Variants in NEK11 observed in about 807,000 individuals in gnomAD.
The protein encoded by NEK11 is serine/threonine-protein kinase Nek11.
A neutral mutation model predicts 80.7 loss-of-function variants in NEK11; 72 were observed. The observed-to-expected ratio is 0.89, with a 90% confidence interval of 0.74 to 1.08. The LOEUF (loss-of-function observed/expected upper bound fraction) is 1.08, where lower values mean the gene tolerates loss of function less well. NEK11 is among the 50% of genes least tolerant of loss of function. The probability of loss-of-function intolerance (pLI) is 0.00; values close to 1 mark genes in which losing one functional copy is unlikely to be tolerated. For missense variants in NEK11, 764 were observed against 763.6 expected (o/e 1.00, Z -0.01); for synonymous variants, 251 against 260.7 (o/e 0.96, Z 0.36).
chr3:131,177,571 C>T (rs1473926265), intron 14 of NEK11, among the ~76,000 whole-genome samples: 2 of 152,114 alleles, frequency 1.3e-5, no homozygotes, highest in African/African-American at 2.4e-5. Flanking sequence ...CTCCTTGATT[C>T]GACGTGAGAA....
intron 17 of NEK11, chr3:131,329,611 G>A (rs2097036976): frequency 6.6e-6 from 1 of 152,208 alleles, no homozygotes; most frequent in African/African-American, 2.4e-5. Context: ...TGGTGAATAA[G>A]TAGTACAGAA....
intron 3 of NEK11, among the ~76,000 whole-genome samples, chr3:131,035,400 G>A (rs1035264203): frequency 6.6e-6 from 1 of 152,102 alleles, no homozygotes; most frequent in Non-Finnish European, 1.5e-5. Context: ...AAAAAGTCTG[G>A]GTCCATTGTT....
At chr3:131,247,668 G>A (rs149529294) in intron 16 of NEK11, among the ~76,000 whole-genome samples, 1 of 152,016 alleles carries the variant, frequency 6.6e-6, no homozygotes, top group African/African-American at 2.4e-5. Flanking sequence ...AAGAATGATG[G>A]TGGTATTTGA....
At chr3:131,128,662 A>G (rs1018651686) in intron 5 of NEK11, among the ~76,000 whole-genome samples, 1 of 152,214 alleles carries the variant, frequency 6.6e-6, no homozygotes, top group African/African-American at 2.4e-5. Flanking sequence ...ATTCATTTGA[A>G]TAAATACCAA....
chr3:131,223,669 C>A lies in NEK11; in HGVS notation c.1400-4859C>A, dbSNP rs545959213. On this transcript the variant is annotated intron_variant, in intron 14 of 17. Transcript: ENST00000383366. ...GACAGAGACCACGTAATCTGCAAAG[C>A]CTAAAATTGTTTTACTATCTAGCCC... Among the ~76,000 whole-genome samples, 11 of 152,244 alleles carry A rather than the reference C, an allele frequency of 7.2e-5. 1 individual carries two copies. The South Asian group carries it at 2.1e-3, about 29-fold the overall frequency.
chr3:131,096,300 G>T (rs536624358), intron 4 of NEK11, among the ~76,000 whole-genome samples: 4 of 151,920 alleles, frequency 2.6e-5, no homozygotes, highest in African/African-American at 9.7e-5. Flanking sequence ...TCCTGTATTG[G>T]TTTGCTTAGG....
chr3:131,285,004 G>T (rs1216441988), intron 17 of NEK11, among the ~76,000 whole-genome samples: 2 of 152,074 alleles, frequency 1.3e-5, no homozygotes, highest in Non-Finnish European at 2.9e-5. Flanking sequence ...TATTAGTTCT[G>T]TCCCTCTAGA....
intron 15 of NEK11, among the ~76,000 whole-genome samples, chr3:131,230,264 C>T (rs2095305113): frequency 2.0e-5 from 3 of 152,148 alleles, no homozygotes; most frequent in Non-Finnish European, 4.4e-5. Flanking sequence ...TTTTTCCAGT[C>T]TCAGAATATC....
intron 3 of NEK11, among the ~76,000 whole-genome samples, chr3:131,037,214 C>G (rs2065778564): frequency 1.4e-5 from 1 of 72,602 alleles, no homozygotes; most frequent in Non-Finnish European, 3.0e-5. Context: ...CATTCTGTGT[C>G]ATTCAATGGA....
chr3:131,263,592 A>G (rs989007446), intron 16 of NEK11, among the ~76,000 whole-genome samples: 3 of 152,126 alleles, frequency 2.0e-5, no homozygotes, highest in Admixed American at 6.5e-5. Context: ...AGTTGGCCAC[A>G]TTTTCTTAAT....
intron 3 of NEK11, among the ~76,000 whole-genome samples, chr3:131,033,357 T>G (rs1395725065): frequency 6.6e-6 from 1 of 152,172 alleles, no homozygotes; most frequent in Non-Finnish European, 1.5e-5. Flanking sequence ...GATGAATACT[T>G]TATACAGACT....
intron 12 of NEK11, among the ~76,000 whole-genome samples, chr3:131,168,599 G>A (rs1358684953): frequency 3.3e-5 from 5 of 151,648 alleles, no homozygotes; most frequent in Non-Finnish European, 7.4e-5. Flanking sequence ...CTCGTGATCC[G>A]CCCGCCTCGG....
At chr3:131,032,551 A>G (rs1032460834) in intron 3 of NEK11, among the ~76,000 whole-genome samples, 2 of 152,256 alleles carry the variant, frequency 1.3e-5, no homozygotes, top group Non-Finnish European at 2.9e-5. Context: ...AAAAAGTATG[A>G]ATGTGACTAC....
At chr3:131,225,502 A>T (rs2095166323) in intron 14 of NEK11, among the ~76,000 whole-genome samples, 3 of 152,222 alleles carry the variant, frequency 2.0e-5, no homozygotes, top group Admixed American at 2.0e-4. Context: ...TATTTGATAC[A>T]TACTTTGCAT....
At chr3:131,311,190 A>T (rs78863967) in intron 17 of NEK11, among the ~76,000 whole-genome samples, 2,532 of 152,258 alleles carry the variant, frequency 0.017, 71 homozygotes, top group African/African-American at 0.058. Context: ...ACCTGCATTG[A>T]GTGTGTAATA....
intron 14 of NEK11, among the ~76,000 whole-genome samples, chr3:131,201,888 G>A (rs1416206954): frequency 2.6e-5 from 4 of 152,104 alleles, no homozygotes; most frequent in East Asian, 1.9e-4. Flanking sequence ...AGGCTGGAGC[G>A]CAGTGGCACA....
At chr3:131,283,743 G>A (rs2096434223) in intron 17 of NEK11, among the ~76,000 whole-genome samples, 1 of 152,036 alleles carries the variant, frequency 6.6e-6, no homozygotes. Context: ...AAAATAAAAG[G>A]TCAGTATCAG....
chr3:131,218,898 T>G (rs1486815929), intron 14 of NEK11, among the ~76,000 whole-genome samples: 1 of 152,206 alleles, frequency 6.6e-6, no homozygotes, highest in Non-Finnish European at 1.5e-5. Flanking sequence ...TTGATAGGGT[T>G]GCTGGAGAGG....
chr3:131,233,393 C>T (rs1261421992), intron 15 of NEK11, among the ~76,000 whole-genome samples: 1 of 152,132 alleles, frequency 6.6e-6, no homozygotes. Context: ...GCAGCAGGGT[C>T]TATCTTGAAG....
Sources: allele counts gnomAD v4.1 joint callset (sites outside exome capture counted in the v4.1 genomes callset), GRCh38; gene constraint gnomAD v4.1.1; transcripts MANE v1.5; gene names NCBI Gene and HGNC (gene_info 2026-07-23, HGNC 2026-07-21).